Variants in OVCH1 observed in about 807,000 individuals in gnomAD.
OVCH1 encodes ovochymase-1.
In OVCH1, 139 loss-of-function variants were observed where a neutral mutation model predicts 138.4. The observed-to-expected ratio is 1.00, with a 90% CI of 0.87 to 1.16. The LOEUF (loss-of-function observed/expected upper bound fraction) is 1.16. Among genes scored for constraint, OVCH1 ranks in the 50% most tolerant of loss-of-function variants. The pLI, the probability that OVCH1 is intolerant of heterozygous loss-of-function variation, is 0.00. For missense variants in OVCH1, 1,367 were observed against 1,357.9 expected (o/e 1.01, Z -0.11); for synonymous variants, 453 against 467.8 (o/e 0.97, Z 0.41).
intron 18 of OVCH1, among the ~76,000 whole-genome samples, chr12:29,464,035 G>T (rs11050242): frequency 0.2 from 30,337 of 152,048 alleles, 3,766 homozygotes; most frequent in African/African-American, 0.36. Flanking sequence ...ACGGGCACAA[G>T]CCATTAAATA....
chr12:29,419,946 A>G (rs1941080766), intron 3 of OVCH1, among the ~76,000 whole-genome samples: 1 of 152,188 alleles, frequency 6.6e-6, no homozygotes, highest in Non-Finnish European at 1.5e-5. Context: ...AAGTTGGGGG[A>G]TGATAAAGAA....
intron 14 of OVCH1, among the ~76,000 whole-genome samples, chr12:29,474,849 C>T (rs1417117674): frequency 1.3e-5 from 2 of 152,114 alleles, no homozygotes; most frequent in Non-Finnish European, 2.9e-5. Flanking sequence ...ATTTCTTGAG[C>T]ATTAACTGAG....
At position 29,433,797 on chromosome 12, in the gene OVCH1, C is replaced by T. The variant is rs371541470; in HGVS notation, c.3281G>A (p.Ser1094Asn). ...TTTCTTCTGTTTTCTTTTTCCAACA[C>T]TTCTTACATTATCATACTAAAATTA... The change falls in exon 27 of 28, where the codon AGT (serine) becomes AAT (asparagine). Residue 1094 changes from serine (S) to asparagine (N), a missense_variant. By Grantham distance (46) the Ser-to-Asn change is conservative. Transcript: ENST00000318184. The T allele has an allele frequency of 2.4e-4, 333 of 1,415,260 alleles. 6 individuals carry two copies. In the South Asian group the frequency reaches 4.3e-3, roughly 18 times the overall value. 87.7% of individuals were successfully genotyped at this position (1,415,260 alleles called of 1,614,324 possible).
exon 5 of OVCH1, chr12:29,491,144 T>C: frequency 6.2e-7 from 1 of 1,613,788 alleles, no homozygotes; most frequent in African/African-American, 1.3e-5. Context: ...AATTCCTGGT[T>C]CAACTTTATC....
At chr12:29,411,172 A>G (rs56368080), downstream of OVCH1, among the ~76,000 whole-genome samples, 2 of 71,474 alleles carry the variant, frequency 2.8e-5, 1 homozygote, top group South Asian at 8.9e-4. Context: ...CCTTTAAGCA[A>G]TTCTCTGTAT....
At chr12:29,445,189 C>A (rs1941579322) in intron 23 of OVCH1, 89 bp downstream of exon 23, 4 of 1,338,504 alleles carry the variant, frequency 3.0e-6, no homozygotes, top group Non-Finnish European at 4.0e-6. Context: ...TAATTTCTTT[C>A]AAAATGTTGT....
Position 29,430,826 on chromosome 12 carries a change from A to G in OVCH1, c.3327+2925T>C, listed in dbSNP as rs1377353588. 9 of 499,544 alleles carry G rather than the reference A, an allele frequency of 1.8e-5. 1 individual carries two copies. Among genetic ancestry groups the G allele is most frequent in the Admixed American group, 6.1e-5 (3 of 49,018 alleles). The allele number at this position is 499,544 out of a possible 1,614,324, so 30.9% of individuals were successfully genotyped here. A position where few individuals can be genotyped will look rare whatever the true frequency, so the allele number is the denominator to read the frequency against. ...TAACACCCTCCCTTGAGTTCTGGCC[A>G]GGAGGCTTCTTGATCAGTTCAAATT... is the stretch of plus-strand genomic sequence containing the variant. On this transcript the variant is annotated intron_variant, in intron 27 of 27. Transcript: ENST00000318184.
chr12:29,439,984 C>T (rs1348120825), intron 25 of OVCH1, among the ~76,000 whole-genome samples: 1 of 152,202 alleles, frequency 6.6e-6, no homozygotes, highest in African/African-American at 2.4e-5. Flanking sequence ...CAGCACCCTC[C>T]GTGTGTTCAC....
In OVCH1 at chr12:29,488,620, C is replaced by CAAAAAAAAAAAAAAAAAAAAAAAAAAAA. The variant is rs67595567; in HGVS notation, c.703-739_703-738insTTTTTTTTTTTTTTTTTTTTTTTTTTTT. ...TGGGCAACAGAGTGAGACTCCATCT[C>CAAAAAAAAAAAAAAAAAAAAAAAAAAAA]AAAAAAAAAAAAAAAAAAAAAAAGA... On this transcript the variant is annotated intron_variant, in intron 6 of 27. Coordinates refer to ENST00000318184, the Ensembl canonical transcript of OVCH1. Among the ~76,000 whole-genome samples, 69 of 61,728 alleles carry CAAAAAAAAAAAAAAAAAAAAAAAAAAAA rather than the reference C, an allele frequency of 1.1e-3. 1 individual carries two copies. The highest frequency in any genetic ancestry group is 1.5e-3 in the Non-Finnish European group (50 of 34,482). 40.5% of individuals were successfully genotyped at this position (61,728 alleles called of 152,430 possible).
intron 17 of OVCH1, among the ~76,000 whole-genome samples, chr12:29,464,942 C>G (rs1443320856): frequency 6.6e-6 from 1 of 152,106 alleles, no homozygotes; most frequent in African/African-American, 2.4e-5. Flanking sequence ...GTCCATGGGC[C>G]TAAATTTGCA....
the OVCH1 span, among the ~76,000 whole-genome samples, chr12:29,406,063 A>G: frequency 0.31 from 47,069 of 152,142 alleles, 8,601 homozygotes; most frequent in Middle Eastern, 0.52. Context: ...GCCTCACATC[A>G]TTAGAAATTG....
At chr12:29,445,499 AG>A in intron 22 of OVCH1, 96 bp from the exon 23 acceptor site, 1 of 1,212,924 alleles carries the variant, frequency 8.2e-7, no homozygotes, top group Non-Finnish European at 1.1e-6. Flanking sequence ...CCCACGAGGT[AG>A]GAATTGATTC....
At position 29,496,517 on chromosome 12, in the gene OVCH1, G is replaced by A. The variant is rs746522178; in HGVS notation, c.183+39C>T. The A allele has an allele frequency of 2.2e-5, 33 of 1,493,942 alleles. 1 individual carries two copies. The South Asian group carries it at 2.9e-4, about 13-fold the overall frequency. 92.5% of individuals were successfully genotyped at this position (1,493,942 alleles called of 1,614,324 possible). A position where few individuals can be genotyped will look rare whatever the true frequency, so the allele number is the denominator to read the frequency against. Reference sequence around the variant, plus strand: ...TTCGAAACAAAGGAAATATTTCACTGTTTTCTCATTAAGAAATCAATGCCT... The same window carrying A: ...TTCGAAACAAAGGAAATATTTCACTATTTTCTCATTAAGAAATCAATGCCT... On this transcript the variant is annotated intron_variant, in intron 2 of 27. Coordinates refer to ENST00000318184, the Ensembl canonical transcript of OVCH1.
chr12:29,422,286 T>G (rs908252656), intron 3 of OVCH1, among the ~76,000 whole-genome samples: 3 of 152,156 alleles, frequency 2.0e-5, no homozygotes, highest in Non-Finnish European at 4.4e-5. Context: ...ATAAAAGCAA[T>G]GGAGACAGAA....
At chr12:29,497,521 G>T in intron 1 of OVCH1, 102 bp downstream of exon 1, 1 of 1,364,736 alleles carries the variant, frequency 7.3e-7, no homozygotes, top group Non-Finnish European at 1.0e-6. Flanking sequence ...CTCAGGTGTG[G>T]CTATACCACC....
chr12:29,477,385 C>T lies in OVCH1; in HGVS notation c.1202G>A (p.Ser401Asn), dbSNP rs772425629. 8.1e-6 allele frequency: 13 copies of T among 1,614,016 alleles called. No homozygotes were observed. In the South Asian group the frequency reaches 1.4e-4, roughly 18 times the overall value. The change falls in exon 11 of 28, where the codon AGT becomes AAT. Residue 401 changes from serine to asparagine, a missense_variant. Physicochemically the swap from Ser to Asn is conservative, Grantham distance 46. Transcript: ENST00000318184. ...AGCAGTAACGGTAAGCTCAAAGCCA[C>T]TGCCACTGTCTTCTGTATCAGAAAC... is the stretch of plus-strand genomic sequence containing the variant.
chr12:29,480,810 T>C (rs1942905239), intron 8 of OVCH1, among the ~76,000 whole-genome samples: 1 of 152,186 alleles, frequency 6.6e-6, no homozygotes, highest in Admixed American at 6.5e-5. Flanking sequence ...ATTTCCTAGT[T>C]AGCTCCAGTT....
chr12:29,464,745 A>G (rs1942258956), intron 17 of OVCH1, 43 bp from the exon 18 acceptor site: 1 of 1,547,500 alleles, frequency 6.5e-7, no homozygotes, highest in East Asian at 2.3e-5. Flanking sequence ...TAAGAAAGTC[A>G]AAGAATCCAG....
chr12:29,476,458 A>G (rs1162005884), intron 12 of OVCH1, among the ~76,000 whole-genome samples, 159 bp from the exon 13 acceptor site: 1 of 152,154 alleles, frequency 6.6e-6, no homozygotes, highest in Non-Finnish European at 1.5e-5. Flanking sequence ...CAATTTGGCA[A>G]CGACTACCAG....
Sources: gnomAD v4.1 joint callset for allele counts (sites outside exome capture counted in the v4.1 genomes callset) on GRCh38, gnomAD v4.1.1 for gene constraint, MANE v1.5 for transcripts, NCBI Gene and HGNC (gene_info 2026-07-23, HGNC 2026-07-21) for gene names.